Variants in ARG1 observed in about 807,000 individuals in gnomAD.
ARG1 encodes the protein arginase-1.
ARG1 carries 20 observed loss-of-function variants against 33.0 expected under a neutral mutation model. That is an observed-to-expected ratio of 0.61 (90% CI 0.43 to 0.88). The LOEUF is 0.88. Ranked by LOEUF, ARG1 falls within the 40% of genes least tolerant of loss-of-function variation. ARG1 has a pLI of 0.00. For synonymous variants in ARG1, 146 were observed against 140.6 expected, an observed-to-expected ratio of 1.04 and a Z score of -0.27; for missense variants, 374 against 384.7, an observed-to-expected ratio of 0.97 and a Z score of 0.23.
rs757187110 is a variant in ARG1, at chr6:131,573,345, GA to G, written c.57+12del. 6.2e-7 allele frequency: 1 copy of G among 1,613,838 alleles called. No individual in the cohort carries two copies. The highest frequency in any genetic ancestry group is 1.3e-5 in the African/African-American group (1 of 74,988). On this transcript the variant is annotated splice_region_variant and intron_variant, in intron 1 of 7. Transcript: ENST00000368087. ...CTCCTTTCTCAAAGGGACAGGTAAG[GA>G]AAAAAGTCTTTCTTTGAATTCCTGG...
At chr6:131,577,747 CA>C (rs200270063) in intron 2 of ARG1, among the ~76,000 whole-genome samples, 2 of 149,300 alleles carry the variant, frequency 1.3e-5, no homozygotes, top group Admixed American at 1.3e-4. Flanking sequence ...AGTAAAAATA[CA>C]AAAAAAAATA....
Position 131,579,110 on chromosome 6 carries a change from G to C in ARG1, c.131-1G>C, listed in dbSNP as rs1773782306. On this transcript the variant is annotated splice_acceptor_variant, in intron 2 of 7. Transcript: ENST00000368087. LOFTEE classifies it high-confidence loss of function. Reference sequence around the variant, plus strand: ...AGTAACTCAAAACTTTTTAATTTTAGAGTGTGATGTGAAGGATTATGGGGA... The same window carrying C: ...AGTAACTCAAAACTTTTTAATTTTACAGTGTGATGTGAAGGATTATGGGGA... The C allele has an allele frequency of 1.9e-6, 3 of 1,613,962 alleles. No homozygotes were observed. The highest frequency in any genetic ancestry group is 1.1e-5 in the South Asian group (1 of 91,062).
chr6:131,584,106 T>A lies in ARG1; in HGVS notation c.*198T>A. The A allele has an allele frequency of 1.6e-6, 1 of 622,678 alleles. No individual in the cohort carries two copies. The highest frequency in any genetic ancestry group is 2.7e-6 in the Non-Finnish European group (1 of 372,106). 38.6% of individuals were successfully genotyped at this position (622,678 alleles called of 1,614,324 possible). A position where few individuals can be genotyped will look rare whatever the true frequency, so the allele number is the denominator to read the frequency against. On this transcript the variant is annotated 3_prime_UTR_variant, in exon 8 of 8. Transcript: ENST00000368087. Reference sequence around the variant, plus strand: ...CTAACTTTTTTGAAATTTAAAAGCTTATATTTTCTAACTTGGCAAAAGACT... The same window carrying A: ...CTAACTTTTTTGAAATTTAAAAGCTAATATTTTCTAACTTGGCAAAAGACT...
chr6:131,574,413 C>T (rs1255198207), intron 1 of ARG1: 2 of 1,141,402 alleles, frequency 1.8e-6, no homozygotes, highest in Admixed American at 1.7e-5. Context: ...AACACAGGGA[C>T]ATTTTGCTGA....
intron 1 of ARG1, 110 bp downstream of exon 1, chr6:131,573,449 GC>G: frequency 3.0e-6 from 3 of 990,348 alleles, no homozygotes; most frequent in Non-Finnish European, 4.8e-6. Flanking sequence ...ATACAATCTG[GC>G]CAGGAAATGC....
rs754259099 is a variant in ARG1 at position 131,581,341 on chromosome 6, A to G, written c.428A>G (p.Gln143Arg). ...ACCACAAGTGGAAACTTGCATGGAC[A>G]ACCTGTATCTTTCCTCCTGAAGGAA... ...LTTTSGNLHG[Q>R]PVSFLLKELK... The change falls in exon 4 of 8, where the codon CAA (glutamine) becomes CGA (arginine). Residue 143 changes from glutamine to arginine, a missense_variant. Physicochemically the swap from Gln to Arg is conservative, Grantham distance 43. Transcript: ENST00000368087. 1 of 1,613,876 alleles carries G rather than the reference A, an allele frequency of 6.2e-7. No individual in the cohort carries two copies. Among genetic ancestry groups the G allele is most frequent in the South Asian group, 1.1e-5 (1 of 91,048 alleles).
At chr6:131,581,934 A>T (rs1299408785) in intron 4 of ARG1, among the ~76,000 whole-genome samples, 3 of 152,264 alleles carry the variant, frequency 2.0e-5, no homozygotes, top group Admixed American at 1.3e-4. Flanking sequence ...CTTTTCTAAA[A>T]GATGGAAAAT....
At chr6:131,582,993 C>T in intron 5 of ARG1, 67 bp from the exon 6 acceptor site, 1 of 1,142,740 alleles carries the variant, frequency 8.8e-7, no homozygotes. Context: ...TTATATTTCC[C>T]TTAAAAGGAG....
intron 2 of ARG1, among the ~76,000 whole-genome samples, chr6:131,577,047 G>T (rs1415268192): frequency 6.6e-6 from 1 of 152,048 alleles, no homozygotes; most frequent in African/African-American, 2.4e-5. Flanking sequence ...GGAAGGCAAG[G>T]TGCAGCAGGA....
chr6:131,583,041 C>A lies in ARG1; in HGVS notation c.561-19C>A, dbSNP rs746467226. 23 of 1,559,122 alleles carry A rather than the reference C, an allele frequency of 1.5e-5. No individual in the cohort carries two copies. The highest frequency in any genetic ancestry group is 2.0e-5 in the Non-Finnish European group (23 of 1,134,812). On this transcript the variant is annotated intron_variant, in intron 5 of 7. Transcript: ENST00000368087. Reference sequence around the variant, plus strand: ...AGTCAGCCTTATTAATTATAATTATCTTAATTTCTCTTTTATAGCTACATT... The same window carrying A: ...AGTCAGCCTTATTAATTATAATTATATTAATTTCTCTTTTATAGCTACATT...
Position 131,581,356 on chromosome 6 carries a change from T to G in ARG1, c.443T>G (p.Leu148Arg). 6.2e-7 allele frequency: 1 copy of G among 1,613,506 alleles called. No homozygotes were observed. Among genetic ancestry groups the G allele is most frequent in the Non-Finnish European group, 8.5e-7 (1 of 1,179,698 alleles). Reference protein sequence around the residue: ...GNLHGQPVSFLLKELKGKIPD... With the variant: ...GNLHGQPVSFRLKELKGKIPD... ...TTGCATGGACAACCTGTATCTTTCCTCCTGAAGGAACTAAAAGGAAAGGTA... is the reference window on the plus strand; with the variant it reads ...TTGCATGGACAACCTGTATCTTTCCGCCTGAAGGAACTAAAAGGAAAGGTA... The change falls in exon 4 of 8, where the codon CTC (leucine) becomes CGC (arginine). Residue 148 changes from leucine (L) to arginine (R), a missense_variant. By Grantham distance (102) the Leu-to-Arg change is moderately radical. Transcript: ENST00000368087.
chr6:131,583,427 A>G lies in ARG1; in HGVS notation c.738A>G (p.Thr246=). ...CATCTTTCACACCAGCTACTGGCAC[A>G]CCAGTCGTGGGAGGTCTGACATACA... The part of the protein sequence containing the change: ...LDPSFTPATG[T]PVVGGLTYRE... Residue 246 remains threonine (T), a synonymous_variant, in exon 7 of 8, where the codon ACA becomes ACG. Transcript: ENST00000368087. The G allele has an allele frequency of 1.2e-6, 2 of 1,614,146 alleles. No homozygotes were observed. The highest frequency in any genetic ancestry group is 1.7e-6 in the Non-Finnish European group (2 of 1,179,982).
chr6:131,581,452 G>A, intron 4 of ARG1, 74 bp downstream of exon 4: 1 of 1,439,084 alleles, frequency 6.9e-7, no homozygotes. Context: ...AGGGAAATGA[G>A]AAACTCCATG....
At position 131,584,197 on chromosome 6, in the gene ARG1, C is replaced by T. The variant is rs1402223512; in HGVS notation, c.*289C>T. ...AATTTGCTGGCATTAAAAATAAGCA[C>T]ACTTACATAAGCCCCCATACATAGA... On this transcript the variant is annotated 3_prime_UTR_variant, in exon 8 of 8. Transcript: ENST00000368087. 1 of 397,526 alleles carries T rather than the reference C, an allele frequency of 2.5e-6. No individual in the cohort carries two copies. Among genetic ancestry groups the T allele is most frequent in the African/African-American group, 2.1e-5 (1 of 48,454 alleles). 24.6% of individuals were successfully genotyped at this position (397,526 alleles called of 1,614,324 possible).
chr6:131,580,401 C>T (rs1047114646), intron 3 of ARG1, among the ~76,000 whole-genome samples: 3 of 152,142 alleles, frequency 2.0e-5, no homozygotes, highest in Admixed American at 6.5e-5. Context: ...GCTTCCACTT[C>T]GAGAATCTAA....
At chr6:131,581,485 T>G in intron 4 of ARG1, 107 bp downstream of exon 4, 3 of 1,313,510 alleles carry the variant, frequency 2.3e-6, no homozygotes, top group Non-Finnish European at 2.1e-6. Flanking sequence ...TGGTGTAATC[T>G]CAAATCATTT....
chr6:131,582,645 T>C lies in ARG1; in HGVS notation c.490T>C (p.Trp164Arg). 2 of 1,613,906 alleles carry C rather than the reference T, an allele frequency of 1.2e-6. No individual in the cohort carries two copies. Among genetic ancestry groups the C allele is most frequent in the Non-Finnish European group, 1.7e-6 (2 of 1,179,814 alleles). The change falls in exon 5 of 8, where the codon TGG becomes CGG. Residue 164 changes from tryptophan (W) to arginine (R), a missense_variant. By Grantham distance (101) the Trp-to-Arg change is moderately radical (BLOSUM62 -3). Coordinates refer to ENST00000368087, the MANE Select transcript of ARG1 (RefSeq NM_000045.4). The stretch of plus-strand genomic sequence containing the variant: ...GATTCCCGATGTGCCAGGATTCTCC[T>C]GGGTGACTCCCTGTATATCTGCCAA... ...GKIPDVPGFS[W>R]VTPCISAKDI...
chr6:131,582,814 GACAC>G (rs75155115), intron 5 of ARG1, 99 bp downstream of exon 5: 31 of 911,302 alleles, frequency 3.4e-5, no homozygotes, highest in Middle Eastern at 2.2e-4. Flanking sequence ...TAAACATCAA[GACAC>G]ACACACACAC....
intron 2 of ARG1, among the ~76,000 whole-genome samples, chr6:131,578,604 C>T (rs1773747405): frequency 6.6e-6 from 1 of 152,076 alleles, no homozygotes; most frequent in Non-Finnish European, 1.5e-5. Context: ...CACTATGAGG[C>T]AGGTTCAATG....
Sources: gnomAD v4.1 joint callset for allele counts (sites outside exome capture counted in the v4.1 genomes callset) on GRCh38, gnomAD v4.1.1 for gene constraint, MANE v1.5 for transcripts, NCBI Gene and HGNC (gene_info 2026-07-23, HGNC 2026-07-21) for gene names.